Variants in AASS observed in about 807,000 individuals in gnomAD.
AASS encodes the protein aminoadipate-semialdehyde synthase, also known as alpha-aminoadipic semialdehyde synthase, mitochondrial.
In AASS, 86 loss-of-function variants were observed where a neutral mutation model predicts 105.4. The observed-to-expected ratio is 0.82, with a 90% CI of 0.69 to 0.98. The LOEUF (loss-of-function observed/expected upper bound fraction) is 0.98, where lower values mean the gene tolerates loss of function less well. Ranked by LOEUF, AASS falls within the 50% of genes least tolerant of loss-of-function variation. The pLI is 0.00. For missense variants in AASS, 1,048 were observed against 1,143.2 expected (o/e 0.92, Z 1.20); for synonymous variants, 381 against 394.8 (o/e 0.96, Z 0.41).
At chr7:122,076,698 G>A in intron 23 of AASS, 91 bp from the exon 24 acceptor site, 2 of 979,238 alleles carry the variant, frequency 2.0e-6, no homozygotes, top group Non-Finnish European at 1.7e-6. Context: ...AGCAAACTCA[G>A]AGTCAATGAA....
intron 4 of AASS, among the ~76,000 whole-genome samples, chr7:122,123,052 C>G (rs1035073582): frequency 6.6e-6 from 1 of 152,182 alleles, no homozygotes; most frequent in Non-Finnish European, 1.5e-5. Flanking sequence ...TCTCTCCACT[C>G]TGGCTGATGG....
intron 15 of AASS, 94 bp downstream of exon 15, chr7:122,098,356 A>G (rs1794264777): frequency 7.0e-7 from 1 of 1,436,782 alleles, no homozygotes; most frequent in Non-Finnish European, 9.7e-7. Flanking sequence ...CTTTACTCCA[A>G]AGGAGTATGA....
chr7:122,108,149 G>A (rs542888908), intron 11 of AASS, among the ~76,000 whole-genome samples: 11 of 151,970 alleles, frequency 7.2e-5, no homozygotes, highest in Admixed American at 2.6e-4. Context: ...TAGGCGAATC[G>A]ATAACAAGCA....
chr7:122,077,909 A>T lies in AASS; in HGVS notation c.2591T>A (p.Ile864Asn). ...KTIDLVAYGD[I>N]NGFSAMAKTV... ...TTTAGCCATGGCTGAAAAGCCATTG[A>T]TGTCCCCATAAGCCACAAGATCAAT... is the stretch of plus-strand genomic sequence containing the variant. Residue 864 changes from isoleucine (I) to asparagine (N), a missense_variant, in exon 23 of 24, where the codon ATC (isoleucine) becomes AAC (asparagine). By Grantham distance (149) the Ile-to-Asn change is moderately radical. Transcript: ENST00000417368. 1.2e-6 allele frequency: 2 copies of T among 1,614,194 alleles called. No homozygotes were observed. Among genetic ancestry groups the T allele is most frequent in the South Asian group, 2.2e-5 (2 of 91,086 alleles).
At position 122,133,107 on chromosome 7, in the gene AASS, A is replaced by G. The variant is rs571776786; in HGVS notation, c.210+410T>C. On this transcript the variant is annotated intron_variant, in intron 2 of 23. Transcript: ENST00000417368. Reference sequence around the variant, plus strand: ...GATCTACTTTAAAATGGCTCAGGAAAGGAAAAGTATACATATATATGTATA... The same window carrying G: ...GATCTACTTTAAAATGGCTCAGGAAGGGAAAAGTATACATATATATGTATA... Among the ~76,000 whole-genome samples, 8 of 152,308 alleles carry G rather than the reference A, an allele frequency of 5.3e-5. No individual in the cohort carries two copies. In the South Asian group the frequency reaches 1.5e-3, roughly 28 times the overall value.
Position 122,129,360 on chromosome 7 carries a change from C to A in AASS, c.387+1G>T, listed in dbSNP as rs1337515588. ...ATTTATAAATATTAATCACTAATTA[C>A]CTGTTTTAGAATCTCATCCAACAAG... is the stretch of plus-strand genomic sequence containing the variant. On this transcript the variant is annotated splice_donor_variant, in intron 3 of 23. Transcript: ENST00000417368. LOFTEE classifies it high-confidence loss of function. 2 of 1,580,892 alleles carry A rather than the reference C, an allele frequency of 1.3e-6. No individual in the cohort carries two copies. Among genetic ancestry groups the A allele is most frequent in the Admixed American group, 1.7e-5 (1 of 58,312 alleles).
chr7:122,073,624 T>G lies in AASS; in HGVS notation c.*2865A>C, dbSNP rs1306762803. ...CAGTTCAAACATTCAAAGTATACAA[T>G]TCAGTGGTTTTTAGTATATTCAGAG... On this transcript the variant is annotated 3_prime_UTR_variant, in exon 24 of 24. Transcript: ENST00000417368. Among the ~76,000 whole-genome samples, 1 of 152,142 alleles carries G rather than the reference T, an allele frequency of 6.6e-6. No individual in the cohort carries two copies. Among genetic ancestry groups the G allele is most frequent in the Non-Finnish European group, 1.5e-5 (1 of 68,012 alleles).
In AASS at chr7:122,098,776, T is replaced by C. The variant is rs369170463; in HGVS notation, c.1497A>G (p.Leu499=). The C allele has an allele frequency of 5.0e-5, 80 of 1,602,422 alleles. 2 individuals are homozygous for C. In the Middle Eastern group the frequency reaches 8.3e-4, roughly 17 times the overall value. The stretch of plus-strand genomic sequence containing the variant: ...TTATTTCTATATTGCCATCTCTTGA[T>C]AAATATTCTAATACAGGCTCAGATA... ...GYISEPVLEY[L]SRDGNIEITV... The change falls in exon 14 of 24, where the codon TTA becomes TTG. Residue 499 remains leucine, a synonymous_variant. Coordinates refer to ENST00000417368, the MANE Select transcript of AASS (RefSeq NM_005763.4).
At chr7:122,084,007 A>G (rs567655454) in intron 19 of AASS, among the ~76,000 whole-genome samples, 32 of 152,258 alleles carry the variant, frequency 2.1e-4, no homozygotes, top group African/African-American at 6.7e-4. Context: ...CCTTTATTCA[A>G]TGTTTAAATC....
chr7:122,121,183 T>C (rs563911329), intron 4 of AASS, among the ~76,000 whole-genome samples: 2 of 152,262 alleles, frequency 1.3e-5, no homozygotes, highest in Admixed American at 6.5e-5. Context: ...TTAATCATTG[T>C]TCTAGGTTAC....
chr7:122,133,829 A>G (rs1796022272), intron 1 of AASS, 88 bp from the exon 2 acceptor site: 5 of 1,098,670 alleles, frequency 4.6e-6, no homozygotes, highest in Non-Finnish European at 6.9e-6. Context: ...GAGGTAAAAT[A>G]CAACCCGCTC....
chr7:122,113,180 G>A lies in AASS; in HGVS notation c.1216C>T (p.Gln406Ter). Residue 406 changes from glutamine (Q) to a stop codon, truncating the protein, a stop_gained, in exon 11 of 24, where the codon CAG becomes TAG. Coordinates refer to ENST00000417368, the MANE Select transcript of AASS (RefSeq NM_005763.4). LOFTEE classifies it high-confidence loss of function. ...LMCSIDNLPA[Q>*]LPIEATECFG... is the part of the protein sequence containing the mutation. Reference sequence around the variant, plus strand: ...CATTCTGTAGCTTCAATTGGGAGCTGTGCCGGCAAATTGTCAATGGAACAC... The same window carrying A: ...CATTCTGTAGCTTCAATTGGGAGCTATGCCGGCAAATTGTCAATGGAACAC... 1.2e-6 allele frequency: 2 copies of A among 1,614,070 alleles called. No homozygotes were observed. The highest frequency in any genetic ancestry group is 8.5e-7 in the Non-Finnish European group (1 of 1,179,974).
chr7:122,077,143 C>T (rs1161346620), intron 23 of AASS, among the ~76,000 whole-genome samples: 1 of 152,112 alleles, frequency 6.6e-6, no homozygotes. Flanking sequence ...TTGACATTAG[C>T]TGATATGCTA....
In AASS at chr7:122,139,217, G is replaced by A. The variant is rs1363793197; in HGVS notation, c.-16+4944C>T. Among the ~76,000 whole-genome samples, 4 of 152,124 alleles carry A rather than the reference G, an allele frequency of 2.6e-5. No individual in the cohort carries two copies. The South Asian group carries it at 6.2e-4, about 24-fold the overall frequency. The stretch of plus-strand genomic sequence containing the variant: ...ATAAAATCTTTTGTACACGGAATAT[G>A]GGACAAATGCTTTTGATTCTCTTTA... On this transcript the variant is annotated intron_variant, in intron 1 of 23. Transcript: ENST00000417368.
At chr7:122,128,454 C>T (rs890136550) in intron 3 of AASS, among the ~76,000 whole-genome samples, 4 of 152,274 alleles carry the variant, frequency 2.6e-5, no homozygotes, top group Non-Finnish European at 5.9e-5. Context: ...CCTCCCTGAC[C>T]ATCCTACTTA....
Position 122,079,693 on chromosome 7 carries a change from A to G in AASS, c.2300T>C (p.Leu767Pro). The G allele has an allele frequency of 6.2e-7, 1 of 1,613,286 alleles. No individual in the cohort carries two copies. The highest frequency in any genetic ancestry group is 8.5e-7 in the Non-Finnish European group (1 of 1,179,302). The change falls in exon 21 of 24, where the codon CTA becomes CCA. Residue 767 changes from leucine (L) to proline (P), a missense_variant. By Grantham distance (98) the Leu-to-Pro change is moderately conservative. Coordinates refer to ENST00000417368, the MANE Select transcript of AASS (RefSeq NM_005763.4). ...PLTWKQLLCD[L>P]VGISPSSEHD... ...CTCAGAGGAGGGTGAAATCCCAACT[A>G]GGTCACAGAGGAGTTGTTTCTGGTT...
intron 1 of AASS, among the ~76,000 whole-genome samples, chr7:122,139,109 C>A (rs1796275353): frequency 6.6e-6 from 1 of 152,076 alleles, no homozygotes; most frequent in South Asian, 2.1e-4. Flanking sequence ...ATAAAAACAG[C>A]TAGTCATTTG....
intron 8 of AASS, 25 bp from the exon 9 acceptor site, chr7:122,115,247 G>A (rs1195304068): frequency 6.2e-7 from 1 of 1,613,234 alleles, no homozygotes; most frequent in South Asian, 1.1e-5. Context: ...CCAGGTTCAA[G>A]AAAATAGAAA....
chr7:122,134,211 C>A (rs1409250313), intron 1 of AASS, among the ~76,000 whole-genome samples: 1 of 152,024 alleles, frequency 6.6e-6, no homozygotes, highest in Non-Finnish European at 1.5e-5. Context: ...TGACCATTCC[C>A]AAAACAAGTG....
Sources: allele counts gnomAD v4.1 joint callset (sites outside exome capture counted in the v4.1 genomes callset), GRCh38; gene constraint gnomAD v4.1.1; transcripts MANE v1.5; gene names NCBI Gene and HGNC (gene_info 2026-07-23, HGNC 2026-07-21).